Variants in MBNL1 observed in about 807,000 individuals in gnomAD.
The protein encoded by MBNL1 is muscleblind like splicing regulator 1, also known as muscleblind-like protein 1.
A neutral mutation model predicts 42.2 loss-of-function variants in MBNL1; 8 were observed. The ratio of observed to expected loss-of-function variants is 0.19; its 90% CI spans 0.11 to 0.34. The LOEUF (loss-of-function observed/expected upper bound fraction) is 0.34, where lower values mean the gene tolerates loss of function less well. Among genes scored for constraint, MBNL1 ranks in the 10% least tolerant of loss-of-function variants. MBNL1 has a pLI of 1.00. For missense variants in MBNL1, 309 were observed against 495.3 expected (o/e 0.62, Z 3.57); for synonymous variants, 169 against 173.9 (o/e 0.97, Z 0.22).
chr3:152,283,649 G>A (rs987522703), intron 1 of MBNL1, among the ~76,000 whole-genome samples: 1 of 152,170 alleles, frequency 6.6e-6, no homozygotes, highest in African/African-American at 2.4e-5. Flanking sequence ...TACTAAAAAA[G>A]TGAAGGCTGA....
upstream of MBNL1, chr3:152,268,746 C>T (rs927347219): frequency 4.4e-6 from 2 of 454,486 alleles, no homozygotes; most frequent in Non-Finnish European, 8.8e-6. Flanking sequence ...ACCCTGTGGC[C>T]CGGGGAAGCG....
intron 2 of MBNL1, among the ~76,000 whole-genome samples, chr3:152,362,949 C>T (rs1322016289): frequency 6.6e-6 from 1 of 152,028 alleles, no homozygotes; most frequent in African/African-American, 2.4e-5. Flanking sequence ...TCTGAAAGAT[C>T]CATGCAATTG....
chr3:152,298,346 C>G (rs2059484100), intron 1 of MBNL1, among the ~76,000 whole-genome samples: 1 of 152,126 alleles, frequency 6.6e-6, no homozygotes, highest in South Asian at 2.1e-4. Context: ...TAAAAATGCC[C>G]TGCTCTAAGA....
At chr3:152,275,538 G>C (rs1043097692) in intron 1 of MBNL1, among the ~76,000 whole-genome samples, 2 of 151,668 alleles carry the variant, frequency 1.3e-5, no homozygotes, top group Non-Finnish European at 2.9e-5. Flanking sequence ...GTGAAACCCC[G>C]TCTCTACTAA....
Position 152,459,667 on chromosome 3 carries a change from G to A in MBNL1, c.*18+322G>A, listed in dbSNP as rs573847477. Among the ~76,000 whole-genome samples, 6 of 152,196 alleles carry A rather than the reference G, an allele frequency of 3.9e-5. No homozygotes were observed. The South Asian group carries it at 1.2e-3, about 32-fold the overall frequency. On this transcript the variant is annotated intron_variant, in intron 9 of 9. Transcript: ENST00000324210. ...GCAAACTTTCTTATAGGGTCAGACA[G>A]TAAGTATTTTTGCTGTGTGGGCCGT... is the stretch of plus-strand genomic sequence containing the variant.
intron 2 of MBNL1, among the ~76,000 whole-genome samples, chr3:152,361,313 C>G (rs2095924383): frequency 6.6e-6 from 1 of 151,394 alleles, no homozygotes; most frequent in East Asian, 1.9e-4. Context: ...AGTGGAGTTC[C>G]CATGGTTCTA....
At chr3:152,302,243 A>G (rs1166952167) in intron 2 of MBNL1, 1 of 152,184 alleles carries the variant, frequency 6.6e-6, no homozygotes, top group Non-Finnish European at 1.5e-5. Flanking sequence ...GCAGCTAATC[A>G]ATGCAAACTT....
chr3:152,386,407 T>C (rs2097425980), intron 2 of MBNL1, among the ~76,000 whole-genome samples: 1 of 152,108 alleles, frequency 6.6e-6, no homozygotes, highest in African/African-American at 2.4e-5. Context: ...ATAGAACATA[T>C]TAAAGCCTGT....
rs2096863433 is a variant in MBNL1 at position 152,375,606 on chromosome 3, A to C, written c.175-39335A>C. On this transcript the variant is annotated intron_variant, in intron 2 of 9. Transcript: ENST00000324210. The stretch of plus-strand genomic sequence containing the variant: ...GGTCTTCTTCACATGTTTGGTAAAA[A>C]TTCAGCAATGAAACCAGTAAGCCCC... Among the ~76,000 whole-genome samples the C allele has an allele frequency of 2.6e-5, 4 of 152,128 alleles. No homozygotes were observed. The South Asian group carries it at 8.3e-4, about 32-fold the overall frequency.
intron 1 of MBNL1, among the ~76,000 whole-genome samples, chr3:152,278,169 T>A (rs1335443141): frequency 1.3e-5 from 2 of 152,150 alleles, no homozygotes; most frequent in Non-Finnish European, 2.9e-5. Context: ...TATTATTCTG[T>A]CATTGGGCTA....
At chr3:152,399,093 T>G (rs935705277) in intron 2 of MBNL1, among the ~76,000 whole-genome samples, 4 of 152,328 alleles carry the variant, frequency 2.6e-5, no homozygotes, top group Admixed American at 2.0e-4. Context: ...ATGCGTGCCT[T>G]GTTTCCTTTC....
chr3:152,254,196 C>T (rs1247341978), intron 2 of MBNL1, among the ~76,000 whole-genome samples: 4 of 152,140 alleles, frequency 2.6e-5, no homozygotes, highest in Non-Finnish European at 5.9e-5. Context: ...TTATTTTGTC[C>T]GTGTTGAGTC....
chr3:152,433,117 C>A (rs112366966), intron 4 of MBNL1, among the ~76,000 whole-genome samples, 197 bp downstream of exon 4: 1 of 152,100 alleles, frequency 6.6e-6, no homozygotes, highest in Non-Finnish European at 1.5e-5. Flanking sequence ...GCTACAACAT[C>A]CATGTTTAGA....
upstream of MBNL1, chr3:152,268,783 G>C (rs1441045662): frequency 2.2e-6 from 1 of 454,486 alleles, no homozygotes; most frequent in Admixed American, 2.3e-5. Flanking sequence ...GAAAGTTGAA[G>C]AGCGTTTTTC....
intron 2 of MBNL1, among the ~76,000 whole-genome samples, chr3:152,366,861 A>G (rs1047301541): frequency 6.6e-6 from 1 of 152,112 alleles, no homozygotes; most frequent in Non-Finnish European, 1.5e-5. Flanking sequence ...CATCTCATTT[A>G]TTTTCCCTTA....
chr3:152,375,719 T>A (rs943029925), intron 2 of MBNL1, among the ~76,000 whole-genome samples: 7 of 151,908 alleles, frequency 4.6e-5, no homozygotes, highest in African/African-American at 1.7e-4. Context: ...CTTGGGAGTC[T>A]GAGGTGGGGG....
chr3:152,387,955 AT>A (rs2097523281), intron 2 of MBNL1, among the ~76,000 whole-genome samples: 1 of 152,208 alleles, frequency 6.6e-6, no homozygotes, highest in South Asian at 2.1e-4. Context: ...TTTTCCATAA[AT>A]TAGTGAGAAA....
At chr3:152,331,398 G>T (rs2152630399) in intron 2 of MBNL1, among the ~76,000 whole-genome samples, 1 of 152,306 alleles carries the variant, frequency 6.6e-6, no homozygotes, top group African/African-American at 2.4e-5. Context: ...AGGACAAAAT[G>T]ACTCAGGAAT....
At chr3:152,428,816 A>G (rs141972156) in intron 3 of MBNL1, among the ~76,000 whole-genome samples, 1 of 152,322 alleles carries the variant, frequency 6.6e-6, no homozygotes, top group Non-Finnish European at 1.5e-5. Flanking sequence ...CTTTATCACA[A>G]CCACTTGGAA....
Sources: allele counts gnomAD v4.1 joint callset (sites outside exome capture counted in the v4.1 genomes callset), GRCh38; gene constraint gnomAD v4.1.1; transcripts MANE v1.5; gene names NCBI Gene and HGNC (gene_info 2026-07-23, HGNC 2026-07-21).